Variants in RHOU observed in about 807,000 individuals in gnomAD.
RHOU encodes the protein ras homolog family member U, also known as rho-related GTP-binding protein RhoU.
RHOU carries 8 observed loss-of-function variants against 12.6 expected under a neutral mutation model. The observed-to-expected ratio is 0.64, with a 90% confidence interval of 0.37 to 1.15. The LOEUF (loss-of-function observed/expected upper bound fraction) is 1.15, where lower values mean the gene tolerates loss of function less well. RHOU is among the 50% of genes most tolerant of loss of function. RHOU has a pLI of 0.01. For synonymous variants in RHOU, 161 were observed against 147.4 expected (o/e 1.09, Z -0.67); for missense variants, 258 against 347.0 (o/e 0.74, Z 2.04).
the RHOU span, among the ~76,000 whole-genome samples, chr1:228,646,935 A>C: frequency 1.3e-5 from 2 of 152,030 alleles, no homozygotes; most frequent in Admixed American, 1.3e-4. Context: ...GGAGAGGTAA[A>C]GAGAGAGAGG....
chr1:228,657,180 G>C, the RHOU span, among the ~76,000 whole-genome samples: 1 of 150,118 alleles, frequency 6.7e-6, no homozygotes, highest in South Asian at 2.1e-4. Context: ...GGGAGGCTGA[G>C]GCAGGAGAAT....
chr1:228,721,325 G>A, the RHOU span, among the ~76,000 whole-genome samples: 1 of 152,094 alleles, frequency 6.6e-6, no homozygotes, highest in Non-Finnish European at 1.5e-5. Context: ...AATAGAATTC[G>A]TCGCCTTGTC....
chr1:228,656,390 T>C, the RHOU span, among the ~76,000 whole-genome samples: 2 of 152,354 alleles, frequency 1.3e-5, no homozygotes, highest in East Asian at 1.9e-4. Context: ...ACTCCACTTT[T>C]TGTTTTCTTT....
chr1:228,681,249 G>A, the RHOU span, among the ~76,000 whole-genome samples: 1 of 152,110 alleles, frequency 6.6e-6, no homozygotes, highest in African/African-American at 2.4e-5. Flanking sequence ...AGGAGGGGGA[G>A]AGCTAGTCGC....
At chr1:228,693,473 A>T in the RHOU span, among the ~76,000 whole-genome samples, 1,115 of 149,546 alleles carry the variant, frequency 7.5e-3, 9 homozygotes, top group African/African-American at 0.025. Flanking sequence ...CAGGTTAATA[A>T]TTTTTTTTTT....
In RHOU at chr1:228,744,735, CTGTG is replaced by C. The variant is rs1242181320; in HGVS notation, c.*998_*1001del. 3.9e-5 allele frequency: 6 copies of C among 152,184 alleles called. No homozygotes were observed. Among genetic ancestry groups the C allele is most frequent in the African/African-American group, 1.2e-4 (5 of 41,434 alleles). 9.4% of individuals were successfully genotyped at this position (152,184 alleles called of 1,614,324 possible). On this transcript the variant is annotated 3_prime_UTR_variant, in exon 3 of 3. Coordinates refer to ENST00000366691, the MANE Select transcript of RHOU (RefSeq NM_021205.6). ...CTTAAGTCGGCCAAGATGTACTTCT[CTGTG>C]TGCACACCCATGCACACTCATGCAC...
the RHOU span, among the ~76,000 whole-genome samples, chr1:228,729,588 G>A: frequency 6.6e-6 from 1 of 152,170 alleles, no homozygotes; most frequent in Non-Finnish European, 1.5e-5. Flanking sequence ...CTGCATCCCT[G>A]AGTCTCCACT....
the RHOU span, among the ~76,000 whole-genome samples, chr1:228,727,225 A>G: frequency 6.6e-6 from 1 of 152,192 alleles, no homozygotes; most frequent in Admixed American, 6.5e-5. Flanking sequence ...TAGCATAAGT[A>G]TTTACCTTTC....
chr1:228,736,865 A>G (rs985147415), intron 1 of RHOU, among the ~76,000 whole-genome samples: 2 of 152,108 alleles, frequency 1.3e-5, no homozygotes, highest in Non-Finnish European at 2.9e-5. Flanking sequence ...CCTTCCTTTC[A>G]TCCCAAAGGT....
At chr1:228,664,084 T>C in the RHOU span, among the ~76,000 whole-genome samples, 2 of 149,892 alleles carry the variant, frequency 1.3e-5, no homozygotes, top group Non-Finnish European at 3.0e-5. Context: ...AGTGGCACTA[T>C]CACGGCTCAC....
At chr1:228,711,065 C>A in the RHOU span, among the ~76,000 whole-genome samples, 24,407 of 151,416 alleles carry the variant, frequency 0.16, 2,526 homozygotes, top group African/African-American at 0.3. Flanking sequence ...ACAATTGCTT[C>A]AAAGAGAATA....
At chr1:228,707,928 T>C in the RHOU span, among the ~76,000 whole-genome samples, 25,599 of 151,922 alleles carry the variant, frequency 0.17, 2,830 homozygotes, top group African/African-American at 0.31. Flanking sequence ...TAGAAGAATA[T>C]ATAACTAGAA....
chr1:228,729,926 T>C, the RHOU span, among the ~76,000 whole-genome samples: 1 of 152,224 alleles, frequency 6.6e-6, no homozygotes, highest in Non-Finnish European at 1.5e-5. Flanking sequence ...CAACCAACCA[T>C]GTGGTCTGAG....
At chr1:228,702,154 A>C in the RHOU span, among the ~76,000 whole-genome samples, 1 of 152,190 alleles carries the variant, frequency 6.6e-6, no homozygotes, top group African/African-American at 2.4e-5. Context: ...TTGTAAAAAA[A>C]CTCAGACATT....
chr1:228,693,708 G>A, the RHOU span, among the ~76,000 whole-genome samples: 5 of 151,940 alleles, frequency 3.3e-5, no homozygotes, highest in African/African-American at 7.3e-5. Flanking sequence ...CCTCATGATC[G>A]GCCCTCCTTG....
the RHOU span, among the ~76,000 whole-genome samples, chr1:228,683,667 A>T: frequency 6.6e-6 from 1 of 152,282 alleles, no homozygotes; most frequent in African/African-American, 2.4e-5. Flanking sequence ...GACACTCTTT[A>T]ACAAATTGTA....
At chr1:228,695,885 C>A in the RHOU span, among the ~76,000 whole-genome samples, 4 of 152,248 alleles carry the variant, frequency 2.6e-5, no homozygotes, top group South Asian at 2.1e-4. Flanking sequence ...TGGGGGATGG[C>A]GCTGAGAGTA....
chr1:228,666,230 G>A, the RHOU span, among the ~76,000 whole-genome samples: 35 of 152,194 alleles, frequency 2.3e-4, no homozygotes, highest in Non-Finnish European at 2.6e-4. Flanking sequence ...CAAGTGCTAG[G>A]ATTACAGGTG....
At chr1:228,647,036 A>C in the RHOU span, among the ~76,000 whole-genome samples, 2 of 152,056 alleles carry the variant, frequency 1.3e-5, no homozygotes, top group Non-Finnish European at 2.9e-5. Flanking sequence ...CAGAAGAGTG[A>C]GGAGGAGGGA....
Sources: gnomAD v4.1 joint callset for allele counts (sites outside exome capture counted in the v4.1 genomes callset) on GRCh38, gnomAD v4.1.1 for gene constraint, MANE v1.5 for transcripts, NCBI Gene and HGNC (gene_info 2026-07-23, HGNC 2026-07-21) for gene names.